The following CRYBG1 variants were observed in gnomAD, a reference collection of about 807,000 sequenced individuals.
CRYBG1 encodes the protein beta/gamma crystallin domain-containing protein 1.
CRYBG1 carries 139 observed loss-of-function variants against 189.2 expected under a neutral mutation model. The observed-to-expected ratio is 0.73, with a 90% CI of 0.64 to 0.85. The LOEUF is 0.85. CRYBG1 is among the 40% of genes least tolerant of loss of function. The pLI, the probability that CRYBG1 is intolerant of heterozygous loss-of-function variation, is 0.00. For missense variants in CRYBG1, 2,611 were observed against 2,675.8 expected, an observed-to-expected ratio of 0.98 and a Z score of 0.53; for synonymous variants, 1,023 against 1,017.1, an observed-to-expected ratio of 1.01 and a Z score of -0.11.
intron 13 of CRYBG1, among the ~76,000 whole-genome samples, chr6:106,545,719 C>T (rs1676023): frequency 0.81 from 122,463 of 152,046 alleles, 50,277 homozygotes; most frequent in South Asian, 0.95. Context: ...CACTCTGCCA[C>T]CCAGGCTGGA....
intron 6 of CRYBG1, among the ~76,000 whole-genome samples, chr6:106,526,228 C>T (rs1050850161): frequency 6.6e-6 from 1 of 152,096 alleles, no homozygotes; most frequent in Non-Finnish European, 1.5e-5. Flanking sequence ...CAGCAGCTTT[C>T]CTATTAGATT....
chr6:106,471,953 T>G (rs1171385203), intron 2 of CRYBG1, among the ~76,000 whole-genome samples: 1 of 152,258 alleles, frequency 6.6e-6, no homozygotes, highest in Non-Finnish European at 1.5e-5. Context: ...AACATTTCTT[T>G]CAACAGATTG....
intron 1 of CRYBG1, among the ~76,000 whole-genome samples, chr6:106,420,486 C>A (rs1391804228): frequency 1.3e-5 from 2 of 152,178 alleles, no homozygotes; most frequent in Admixed American, 6.5e-5. Context: ...AGCCATGACA[C>A]AAGGTTGTGA....
chr6:106,530,979 T>C (rs1177748032), intron 8 of CRYBG1, among the ~76,000 whole-genome samples: 2 of 152,246 alleles, frequency 1.3e-5, no homozygotes, highest in African/African-American at 4.8e-5. Flanking sequence ...TATTTTTGTA[T>C]ATGTTTTCTA....
intron 13 of CRYBG1, 117 bp from the exon 14 acceptor site, chr6:106,551,735 T>G: frequency 8.3e-7 from 1 of 1,203,012 alleles, no homozygotes; most frequent in Non-Finnish European, 1.2e-6. Context: ...TCAGAAAAAT[T>G]AAAATTTCAA....
Position 106,412,386 on chromosome 6 carries a change from T to G in CRYBG1, c.174-39308T>G, listed in dbSNP as rs146830981. Among the ~76,000 whole-genome samples, 643 of 152,358 alleles carry G rather than the reference T, an allele frequency of 4.2e-3. 8 individuals carry two copies. Among genetic ancestry groups the G allele is most frequent in the South Asian group, 0.016 (79 of 4,830 alleles). Reference sequence around the variant, plus strand: ...GTAATTATGTATTTTAAATATTTTATTATAATTTATCCAGATTTTCTATGT... The same window carrying G: ...GTAATTATGTATTTTAAATATTTTAGTATAATTTATCCAGATTTTCTATGT... On this transcript the variant is annotated intron_variant, in intron 1 of 21. Transcript: ENST00000633556.
intron 1 of CRYBG1, among the ~76,000 whole-genome samples, chr6:106,389,914 C>T (rs1770468887): frequency 6.6e-6 from 1 of 151,994 alleles, no homozygotes; most frequent in Non-Finnish European, 1.5e-5. Flanking sequence ...GAAATATTAA[C>T]TTTATTTCAT....
chr6:106,443,113 G>A (rs980860608), intron 1 of CRYBG1, among the ~76,000 whole-genome samples: 1 of 152,230 alleles, frequency 6.6e-6, no homozygotes, highest in African/African-American at 2.4e-5. Context: ...TAGGATAGTA[G>A]TGGTTGGAAT....
intron 2 of CRYBG1, among the ~76,000 whole-genome samples, chr6:106,500,453 C>T (rs1308975641): frequency 6.7e-6 from 1 of 149,004 alleles, no homozygotes; most frequent in Non-Finnish European, 1.5e-5. Context: ...AACCTCTTGG[C>T]TATTTGCATG....
chr6:106,545,693 T>TC (rs1774253657), intron 13 of CRYBG1, among the ~76,000 whole-genome samples: 1 of 151,620 alleles, frequency 6.6e-6, no homozygotes, highest in Non-Finnish European at 1.5e-5. Flanking sequence ...AACTCTTTTT[T>TC]TTTGAGGCAG....
chr6:106,471,620 C>A (rs1772233886), intron 2 of CRYBG1, among the ~76,000 whole-genome samples: 1 of 152,126 alleles, frequency 6.6e-6, no homozygotes, highest in Non-Finnish European at 1.5e-5. Context: ...TTTTTAAGTA[C>A]AAGTTACTCT....
intron 1 of CRYBG1, among the ~76,000 whole-genome samples, chr6:106,380,108 C>T (rs1371112691): frequency 6.6e-6 from 1 of 151,948 alleles, no homozygotes; most frequent in Non-Finnish European, 1.5e-5. Context: ...TGTGCAATTT[C>T]AAAAAAGAAA....
chr6:106,436,908 AC>A (rs11297283), intron 1 of CRYBG1, among the ~76,000 whole-genome samples: 55,289 of 150,088 alleles, frequency 0.37, 12,718 homozygotes, highest in African/African-American at 0.65. Flanking sequence ...AATTAATATA[AC>A]CCCCCCCACC....
rs1390577098 is a variant in CRYBG1 at position 106,451,611 on chromosome 6, A to C, written c.174-83A>C. On this transcript the variant is annotated intron_variant, in intron 1 of 21. Transcript: ENST00000633556. Reference sequence around the variant, plus strand: ...GGGCTGACTGGAAATATATTAATACATGGAGAAATATGCCTTTGGGTTTCT... The same window carrying C: ...GGGCTGACTGGAAATATATTAATACCTGGAGAAATATGCCTTTGGGTTTCT... 3 of 1,262,594 alleles carry C rather than the reference A, an allele frequency of 2.4e-6. No individual in the cohort carries two copies. The South Asian group carries it at 5.0e-5, about 21-fold the overall frequency. 78.2% of individuals were successfully genotyped at this position (1,262,594 alleles called of 1,614,324 possible). A position where few individuals can be genotyped will look rare whatever the true frequency, so the allele number is the denominator to read the frequency against.
At chr6:106,416,843 G>A (rs1269683487) in intron 1 of CRYBG1, among the ~76,000 whole-genome samples, 1 of 151,964 alleles carries the variant, frequency 6.6e-6, no homozygotes, top group East Asian at 1.9e-4. Flanking sequence ...TCTCATTTTG[G>A]TTGAAAAACA....
chr6:106,534,510 TTGA>T (rs1324712475), intron 8 of CRYBG1, among the ~76,000 whole-genome samples: 1 of 152,204 alleles, frequency 6.6e-6, no homozygotes, highest in African/African-American at 2.4e-5. Context: ...TTTGCTTCTG[TTGA>T]TGCACTGGTT....
chr6:106,463,504 T>C (rs1370203065), intron 2 of CRYBG1, among the ~76,000 whole-genome samples: 9 of 152,268 alleles, frequency 5.9e-5, no homozygotes, highest in Admixed American at 5.9e-4. Context: ...CTCAGGGTGC[T>C]GATTATCATA....
chr6:106,442,786 T>G (rs1473203803), intron 1 of CRYBG1, among the ~76,000 whole-genome samples: 1 of 151,976 alleles, frequency 6.6e-6, no homozygotes, highest in Non-Finnish European at 1.5e-5. Context: ...CTTAAAGAGA[T>G]GAGATGAGAG....
intron 1 of CRYBG1, among the ~76,000 whole-genome samples, chr6:106,385,955 T>C (rs1453648640): frequency 6.6e-6 from 1 of 152,144 alleles, no homozygotes; most frequent in Admixed American, 6.6e-5. Flanking sequence ...CAATAACTGC[T>C]TCTGTTCTTG....
Sources: gnomAD v4.1 joint callset for allele counts (sites outside exome capture counted in the v4.1 genomes callset) on GRCh38, gnomAD v4.1.1 for gene constraint, MANE v1.5 for transcripts, NCBI Gene and HGNC (gene_info 2026-07-23, HGNC 2026-07-21) for gene names.